The following CNTNAP5 variants were observed in gnomAD, a reference collection of about 807,000 sequenced individuals.
CNTNAP5 encodes contactin associated protein family member 5, also known as contactin-associated protein-like 5.
Under a neutral mutation model 150.2 loss-of-function variants are expected in CNTNAP5, and 72 were observed. The observed-to-expected ratio is 0.48, with a 90% CI of 0.40 to 0.58. The LOEUF (loss-of-function observed/expected upper bound fraction) is 0.58, where lower values mean the gene tolerates loss of function less well. Ranked by LOEUF, CNTNAP5 falls within the 20% of genes least tolerant of loss-of-function variation. The pLI, the probability that CNTNAP5 is intolerant of heterozygous loss-of-function variation, is 0.00. For synonymous variants in CNTNAP5, 672 were observed against 619.8 expected (o/e 1.08, Z -1.25); for missense variants, 1,636 against 1,626.2 (o/e 1.01, Z -0.10).
intron 13 of CNTNAP5, among the ~76,000 whole-genome samples, chr2:124,655,572 C>T (rs1286076823): frequency 2.0e-5 from 3 of 151,016 alleles, no homozygotes; most frequent in African/African-American, 7.3e-5. Context: ...TACCAAAAAG[C>T]TATTTCTACT....
chr2:124,790,052 G>A lies in CNTNAP5; in HGVS notation c.2903G>A (p.Cys968Tyr). 1 of 1,613,934 alleles carries A rather than the reference G, an allele frequency of 6.2e-7. No individual in the cohort carries two copies. The highest frequency in any genetic ancestry group is 1.1e-5 in the South Asian group (1 of 91,080). ...PGHCSSYGSI[C>Y]HNGGKCVEKH... ...CACTGCAGCAGCTACGGCAGCATCT[G>A]CCACAACGGGGGCAAGTGTGTGGAG... Residue 968 changes from cysteine (C) to tyrosine (Y), a missense_variant, in exon 18 of 24, where the codon TGC (cysteine) becomes TAC (tyrosine). Coordinates refer to ENST00000682447, the MANE Select transcript of CNTNAP5 (RefSeq NM_001367498.1).
intron 3 of CNTNAP5, among the ~76,000 whole-genome samples, chr2:124,344,409 T>A (rs913646486): frequency 1.7e-4 from 26 of 152,010 alleles, no homozygotes; most frequent in African/African-American, 6.0e-4. Flanking sequence ...GAACAGACAT[T>A]TGGTAGACAT....
intron 3 of CNTNAP5, among the ~76,000 whole-genome samples, chr2:124,272,979 C>G (rs1369247914): frequency 6.6e-6 from 1 of 152,094 alleles, no homozygotes; most frequent in Non-Finnish European, 1.5e-5. Context: ...AGTTCTTGAC[C>G]CTCTTCTCCA....
intron 3 of CNTNAP5, among the ~76,000 whole-genome samples, chr2:124,244,388 C>T (rs1686964709): frequency 6.6e-6 from 1 of 152,102 alleles, no homozygotes; most frequent in Non-Finnish European, 1.5e-5. Flanking sequence ...TACTAGGGCT[C>T]CCTGAATTGA....
At chr2:124,880,415 T>G (rs1018567668) in intron 21 of CNTNAP5, among the ~76,000 whole-genome samples, 1 of 152,126 alleles carries the variant, frequency 6.6e-6, no homozygotes, top group African/African-American at 2.4e-5. Flanking sequence ...GTTAATTCCC[T>G]TAAAATCAAC....
At position 124,397,919 on chromosome 2, in the gene CNTNAP5, C is replaced by T. The variant is rs1274842798; in HGVS notation, c.382-19524C>T. Among the ~76,000 whole-genome samples the T allele has an allele frequency of 4.6e-5, 7 of 152,118 alleles. No homozygotes were observed. In the South Asian group the frequency reaches 1.2e-3, roughly 27 times the overall value. On this transcript the variant is annotated intron_variant, in intron 3 of 23. Coordinates refer to ENST00000682447, the MANE Select transcript of CNTNAP5 (RefSeq NM_001367498.1). ...TTGTAGAGCCACCAGCAAAACATTG[C>T]CATCAGACTTCACATTTATCTTTAG... is the stretch of plus-strand genomic sequence containing the variant.
intron 3 of CNTNAP5, among the ~76,000 whole-genome samples, chr2:124,362,441 C>A (rs2104716985): frequency 6.6e-6 from 1 of 152,328 alleles, no homozygotes; most frequent in Middle Eastern, 3.4e-3. Flanking sequence ...CACTGTCTAG[C>A]ATCTTATCAT....
At chr2:124,570,951 C>T (rs1047960967) in intron 11 of CNTNAP5, among the ~76,000 whole-genome samples, 19 of 152,220 alleles carry the variant, frequency 1.2e-4, no homozygotes, top group African/African-American at 4.3e-4. Flanking sequence ...GATATATGAC[C>T]TAGGGAAAGA....
chr2:124,263,120 G>A (rs1687504397), intron 3 of CNTNAP5, among the ~76,000 whole-genome samples: 1 of 152,148 alleles, frequency 6.6e-6, no homozygotes, highest in African/African-American at 2.4e-5. Context: ...ACGTGTGTGT[G>A]TGCCTTTATA....
chr2:124,650,026 G>A (rs1678286178), intron 13 of CNTNAP5, among the ~76,000 whole-genome samples: 1 of 152,164 alleles, frequency 6.6e-6, no homozygotes, highest in South Asian at 2.1e-4. Flanking sequence ...ATCCCCTGAA[G>A]ATGGCAACTT....
At position 124,772,864 on chromosome 2, in the gene CNTNAP5, C is replaced by G. The variant is rs1201512576; in HGVS notation, c.2599C>G (p.Pro867Ala). The change falls in exon 17 of 24, where the codon CCT becomes GCT. Residue 867 changes from proline (P) to alanine (A), a missense_variant. Pro to Ala is a conservative substitution (Grantham distance 27). Coordinates refer to ENST00000682447, the MANE Select transcript of CNTNAP5 (RefSeq NM_001367498.1). ...TCCTGTGGAGCTTGTAGTCCAGTCT[C>G]CTTCTCTTCTGAATGACAACCAATG... ...NGPVELVVQSPSLLNDNQWHY... is the reference protein window; with the variant it reads ...NGPVELVVQSASLLNDNQWHY... 6.2e-7 allele frequency: 1 copy of G among 1,613,772 alleles called. No homozygotes were observed. Among genetic ancestry groups the G allele is most frequent in the Admixed American group, 1.7e-5 (1 of 59,998 alleles).
In CNTNAP5 at chr2:124,745,632, A is replaced by G. The variant is rs149404162; in HGVS notation, c.2078-1597A>G. 1.6e-4 allele frequency among the ~76,000 whole-genome samples: 24 copies of G among 152,336 alleles called. 2 individuals are homozygous for G. The East Asian group carries it at 4.6e-3, about 29-fold the overall frequency. On this transcript the variant is annotated intron_variant, in intron 13 of 23. Coordinates refer to ENST00000682447, the MANE Select transcript of CNTNAP5 (RefSeq NM_001367498.1). ...ATTTGAAACTAAAGAAAATGAATTC[A>G]TATTGTTTATAACTATTCTTTAAAA...
At chr2:124,428,809 A>G (rs574887482) in intron 4 of CNTNAP5, among the ~76,000 whole-genome samples, 185 of 152,272 alleles carry the variant, frequency 1.2e-3, no homozygotes, top group African/African-American at 4.4e-3. Context: ...GGATTCAGAG[A>G]AAGAAATCTC....
chr2:124,847,703 A>G (rs965527141), intron 19 of CNTNAP5, among the ~76,000 whole-genome samples: 2 of 152,026 alleles, frequency 1.3e-5, no homozygotes, highest in African/African-American at 4.8e-5. Flanking sequence ...GTCTCCACAC[A>G]CTGCTCTGTC....
At chr2:124,581,573 GTGTT>G in intron 11 of CNTNAP5, among the ~76,000 whole-genome samples, 1 of 152,294 alleles carries the variant, frequency 6.6e-6, no homozygotes, top group South Asian at 2.1e-4. Flanking sequence ...CTGAGAAAAA[GTGTT>G]TGAGAGTTTG....
chr2:124,378,996 T>C (rs1690722611), intron 3 of CNTNAP5, among the ~76,000 whole-genome samples: 1 of 152,136 alleles, frequency 6.6e-6, no homozygotes, highest in Non-Finnish European at 1.5e-5. Flanking sequence ...TAATTTTTTT[T>C]CTAATTATTT....
intron 3 of CNTNAP5, among the ~76,000 whole-genome samples, chr2:124,396,534 G>A (rs985063353): frequency 3.3e-5 from 5 of 152,134 alleles, no homozygotes; most frequent in Middle Eastern, 3.2e-3. Context: ...TGAAATGCAG[G>A]CTACAACAAG....
At chr2:124,911,642 GCCCC>G (rs1281502876) in intron 23 of CNTNAP5, 104 bp downstream of exon 23, 1 of 864,322 alleles carries the variant, frequency 1.2e-6, no homozygotes, top group African/African-American at 1.7e-5. Flanking sequence ...AGCACTCAGA[GCCCC>G]CTACATTACC....
At chr2:124,686,365 C>A (rs1478099669) in intron 13 of CNTNAP5, among the ~76,000 whole-genome samples, 1 of 152,082 alleles carries the variant, frequency 6.6e-6, no homozygotes, top group African/African-American at 2.4e-5. Context: ...CAGCAGAATT[C>A]TGGAAGCAAA....
Sources: allele counts gnomAD v4.1 joint callset (sites outside exome capture counted in the v4.1 genomes callset), GRCh38; gene constraint gnomAD v4.1.1; transcripts MANE v1.5; gene names NCBI Gene and HGNC (gene_info 2026-07-23, HGNC 2026-07-21).